RBFOX1: variants seen among roughly 807,000 people sequenced by gnomAD.
The protein encoded by RBFOX1 is RNA binding fox-1 homolog 1.
In RBFOX1, 8 loss-of-function variants were observed where a neutral mutation model predicts 57.7. The observed-to-expected ratio is 0.14, with a 90% confidence interval of 0.08 to 0.25. RBFOX1 has a LOEUF of 0.25. RBFOX1 is among the 10% of genes least tolerant of loss of function. RBFOX1 has a pLI of 1.00. For missense variants in RBFOX1, 611 were observed against 548.5 expected, an observed-to-expected ratio of 1.11 and a Z score of -1.14; for synonymous variants, 326 against 222.4, an observed-to-expected ratio of 1.47 and a Z score of -4.15.
At chr16:6,041,841 A>G (rs1410161321) in intron 1 of RBFOX1, among the ~76,000 whole-genome samples, 2 of 152,152 alleles carry the variant, frequency 1.3e-5, no homozygotes, top group Non-Finnish European at 2.9e-5. Context: ...TGCTGGAACA[A>G]ATCATCACAA....
At chr16:6,678,927 C>T (rs1193350211) in intron 3 of RBFOX1, among the ~76,000 whole-genome samples, 5 of 152,106 alleles carry the variant, frequency 3.3e-5, no homozygotes, top group African/African-American at 1.2e-4. Context: ...TTTGGGGTGG[C>T]ACATGGATGT....
intron 2 of RBFOX1, among the ~76,000 whole-genome samples, chr16:6,637,846 A>G (rs867599296): frequency 1.3e-5 from 2 of 152,058 alleles, no homozygotes; most frequent in African/African-American, 2.4e-5. Context: ...CTGGATTACA[A>G]TTCTGAAACT....
At chr16:5,929,641 C>A (rs971357206) in intron 4 of RBFOX1, among the ~76,000 whole-genome samples, 1 of 152,186 alleles carries the variant, frequency 6.6e-6, no homozygotes, top group African/African-American at 2.4e-5. Flanking sequence ...AAGTGAAAGA[C>A]TTCATAGTGT....
intron 3 of RBFOX1, among the ~76,000 whole-genome samples, chr16:6,857,579 T>G (rs2058137697): frequency 6.6e-6 from 1 of 152,224 alleles, no homozygotes; most frequent in African/African-American, 2.4e-5. Flanking sequence ...CCTCCCAAAT[T>G]TAATCGCCGT....
At chr16:6,095,281 T>A (rs1276028311) in intron 1 of RBFOX1, among the ~76,000 whole-genome samples, 2 of 152,160 alleles carry the variant, frequency 1.3e-5, no homozygotes, top group African/African-American at 4.8e-5. Context: ...ATAAGTGAAG[T>A]CAAGATGCTA....
chr16:5,781,477 C>T (rs1441317782), intron 3 of RBFOX1, among the ~76,000 whole-genome samples: 2 of 152,174 alleles, frequency 1.3e-5, no homozygotes, highest in Non-Finnish European at 2.9e-5. Context: ...CTGTGACAAC[C>T]TCAAACACCC....
At chr16:5,827,734 A>C (rs896771060) in intron 3 of RBFOX1, among the ~76,000 whole-genome samples, 1 of 152,110 alleles carries the variant, frequency 6.6e-6, no homozygotes, top group Non-Finnish European at 1.5e-5. Flanking sequence ...CCCTTGCTAT[A>C]ATGGCCATCT....
intron 2 of RBFOX1, among the ~76,000 whole-genome samples, chr16:6,488,153 G>A (rs1384113411): frequency 6.6e-6 from 1 of 152,122 alleles, no homozygotes. Context: ...TATGAGGAAG[G>A]CCTCTGCCAG....
At chr16:7,195,861 A>G (rs915015467) in intron 4 of RBFOX1, among the ~76,000 whole-genome samples, 1 of 152,122 alleles carries the variant, frequency 6.6e-6, no homozygotes, top group Non-Finnish European at 1.5e-5. Context: ...CTCGATGCTC[A>G]TAATTTTAGA....
At chr16:5,429,364 C>CA (rs778297359) in intron 1 of RBFOX1, among the ~76,000 whole-genome samples, 4 of 152,180 alleles carry the variant, frequency 2.6e-5, no homozygotes, top group Admixed American at 6.5e-5. Context: ...TAAACTCTCC[C>CA]AGCCGTCAGA....
chr16:6,331,502 T>C (rs757898088), intron 2 of RBFOX1, among the ~76,000 whole-genome samples: 5 of 151,904 alleles, frequency 3.3e-5, no homozygotes, highest in Non-Finnish European at 7.4e-5. Context: ...GGAATGGATA[T>C]AAATGGAAGG....
chr16:7,521,722 A>G (rs900904421), intron 5 of RBFOX1, among the ~76,000 whole-genome samples: 1 of 152,212 alleles, frequency 6.6e-6, no homozygotes, highest in South Asian at 2.1e-4. Flanking sequence ...TGACAGTAGG[A>G]GAAAACATTT....
At chr16:6,921,327 G>A (rs2074396213) in intron 3 of RBFOX1, among the ~76,000 whole-genome samples, 2 of 152,164 alleles carry the variant, frequency 1.3e-5, no homozygotes. Flanking sequence ...CATGACTCCA[G>A]TGAACCTGTC....
chr16:7,165,965 C>CACACACATAT (rs749385448), intron 4 of RBFOX1, among the ~76,000 whole-genome samples: 1 of 147,314 alleles, frequency 6.8e-6, no homozygotes, highest in African/African-American at 2.6e-5. Context: ...CACACACACA[C>CACACACATAT]ATACATACAT....
At chr16:6,250,184 G>C (rs1423713535) in intron 1 of RBFOX1, among the ~76,000 whole-genome samples, 2 of 152,126 alleles carry the variant, frequency 1.3e-5, no homozygotes, top group Non-Finnish European at 2.9e-5. Context: ...GCTTTCACCA[G>C]GCTATAAGAG....
chr16:7,330,472 C>CTGTGTGTGTGTG (rs71391624), intron 4 of RBFOX1, among the ~76,000 whole-genome samples: 1 of 94,402 alleles, frequency 1.1e-5, no homozygotes, highest in Non-Finnish European at 1.9e-5. Context: ...ATGGAGAGCT[C>CTGTGTGTGTGTG]TGTGTGTGTG....
intron 1 of RBFOX1, among the ~76,000 whole-genome samples, chr16:5,367,164 C>T (rs537022822): frequency 6.6e-6 from 1 of 152,168 alleles, no homozygotes; most frequent in Admixed American, 6.5e-5. Context: ...TAAATTTGAT[C>T]TGGTTTTTAT....
intron 4 of RBFOX1, among the ~76,000 whole-genome samples, chr16:7,187,452 G>A (rs1179211982): frequency 6.6e-6 from 1 of 151,456 alleles, no homozygotes; most frequent in Non-Finnish European, 1.5e-5. Context: ...CACTTTGAGA[G>A]GCCAAGGCGG....
intron 4 of RBFOX1, among the ~76,000 whole-genome samples, chr16:7,364,074 T>G (rs1342957859): frequency 6.6e-6 from 1 of 152,216 alleles, no homozygotes; most frequent in Non-Finnish European, 1.5e-5. Context: ...CAAGTCCTAT[T>G]AAAGCTCACA....
Sources: gnomAD v4.1 joint callset for allele counts (sites outside exome capture counted in the v4.1 genomes callset) on GRCh38, gnomAD v4.1.1 for gene constraint, MANE v1.5 for transcripts, NCBI Gene and HGNC (gene_info 2026-07-23, HGNC 2026-07-21) for gene names.